The following MCC variants were observed in gnomAD, a reference collection of about 807,000 sequenced individuals.
MCC encodes the protein colorectal mutant cancer protein.
A neutral mutation model predicts 116.2 loss-of-function variants in MCC; 90 were observed. The observed-to-expected ratio is 0.77, with a 90% CI of 0.65 to 0.92. The LOEUF (loss-of-function observed/expected upper bound fraction) is 0.92, where lower values mean the gene tolerates loss of function less well. MCC is among the 40% of genes least tolerant of loss of function. The pLI is 0.00. For missense variants in MCC, 1,516 were observed against 1,312.2 expected, an observed-to-expected ratio of 1.16 and a Z score of -2.40; for synonymous variants, 578 against 510.5, an observed-to-expected ratio of 1.13 and a Z score of -1.78.
At chr5:113,457,264 A>C (rs970608898) in intron 1 of MCC, among the ~76,000 whole-genome samples, 4 of 152,188 alleles carry the variant, frequency 2.6e-5, no homozygotes, top group Non-Finnish European at 5.9e-5. Context: ...TGCAGGCCCC[A>C]GGCAATGAGG....
chr5:113,334,978 T>G (rs1345653720), intron 3 of MCC, among the ~76,000 whole-genome samples: 1 of 151,704 alleles, frequency 6.6e-6, no homozygotes, highest in Non-Finnish European at 1.5e-5. Flanking sequence ...ATTTGTCCTA[T>G]CCCAATTCCC....
At chr5:113,246,842 A>G (rs540838211) in intron 3 of MCC, among the ~76,000 whole-genome samples, 1 of 152,332 alleles carries the variant, frequency 6.6e-6, no homozygotes, top group East Asian at 1.9e-4. Flanking sequence ...TCCAAATCCA[A>G]TCACTGGAGT....
rs1014556292 is a variant in MCC at position 113,229,190 on chromosome 5, C to T, written c.628-77768G>A. 7.9e-5 allele frequency among the ~76,000 whole-genome samples: 12 copies of T among 151,974 alleles called. No homozygotes were observed. In the East Asian group the frequency reaches 1.7e-3, roughly 22 times the overall value. On this transcript the variant is annotated intron_variant, in intron 3 of 18. Transcript: ENST00000408903. ...GGCGGATGGGGAGGGGCTGAAGAATCGGCAGAGACGAAGAAGGGATAGCCA... is the reference window on the plus strand; with the variant it reads ...GGCGGATGGGGAGGGGCTGAAGAATTGGCAGAGACGAAGAAGGGATAGCCA...
Position 113,257,869 on chromosome 5 carries a change from G to A in MCC, c.627+82650C>T, listed in dbSNP as rs114437032. On this transcript the variant is annotated intron_variant, in intron 3 of 18. Transcript: ENST00000408903. ...GGGAGGGGAAAGCGTTCTATCTAGA[G>A]CACAGGTATAGAAACCAAACCTCTT... 1.1e-3 allele frequency among the ~76,000 whole-genome samples: 160 copies of A among 152,294 alleles called. 1 individual carries two copies. Among genetic ancestry groups the A allele is most frequent in the African/African-American group, 3.6e-3 (148 of 41,560 alleles).
chr5:113,082,565 C>T (rs530540061), intron 11 of MCC, among the ~76,000 whole-genome samples: 5 of 152,330 alleles, frequency 3.3e-5, no homozygotes, highest in Admixed American at 1.3e-4. Flanking sequence ...AAGTGGGGTC[C>T]GTTGTTTAAC....
intron 1 of MCC, among the ~76,000 whole-genome samples, chr5:113,390,327 ATCT>A: frequency 6.6e-6 from 1 of 152,192 alleles, no homozygotes; most frequent in African/African-American, 2.4e-5. Flanking sequence ...ATGCACATAT[ATCT>A]TATCTTCAGA....
chr5:113,381,371 G>T (rs976001535), intron 2 of MCC, among the ~76,000 whole-genome samples: 3 of 152,174 alleles, frequency 2.0e-5, no homozygotes, highest in Non-Finnish European at 4.4e-5. Context: ...CTGCATTAAG[G>T]TTGGAAGTCT....
intron 1 of MCC, among the ~76,000 whole-genome samples, chr5:113,443,308 T>C (rs1010262195): frequency 6.6e-6 from 1 of 152,190 alleles, no homozygotes; most frequent in Non-Finnish European, 1.5e-5. Flanking sequence ...TGTCTGTTAC[T>C]GGTGTATAGA....
At chr5:113,305,566 T>C (rs1766967220) in intron 3 of MCC, among the ~76,000 whole-genome samples, 1 of 152,188 alleles carries the variant, frequency 6.6e-6, no homozygotes, top group African/African-American at 2.4e-5. Context: ...CTTCCAGTCA[T>C]GTAGTCCTTT....
chr5:113,192,433 T>C (rs899173317), intron 3 of MCC, among the ~76,000 whole-genome samples: 1 of 152,220 alleles, frequency 6.6e-6, no homozygotes, highest in African/African-American at 2.4e-5. Context: ...GTAGGAAATT[T>C]GTGAGTTAAA....
chr5:113,227,659 GAACA>G (rs1561470975), intron 3 of MCC, among the ~76,000 whole-genome samples: 1 of 152,058 alleles, frequency 6.6e-6, no homozygotes, highest in Non-Finnish European at 1.5e-5. Context: ...AGCATGTCTA[GAACA>G]AACAATATGG....
intron 17 of MCC, among the ~76,000 whole-genome samples, chr5:113,030,109 A>G (rs546951388): frequency 2.8e-4 from 43 of 152,324 alleles, no homozygotes; most frequent in African/African-American, 9.9e-4. Flanking sequence ...GACTCACTGT[A>G]TGTAGAATGT....
At chr5:113,196,832 C>G (rs144308758) in intron 3 of MCC, among the ~76,000 whole-genome samples, 4 of 152,150 alleles carry the variant, frequency 2.6e-5, no homozygotes, top group African/African-American at 9.7e-5. Flanking sequence ...GAACAAGACT[C>G]TATCTCAAAA....
intron 1 of MCC, among the ~76,000 whole-genome samples, chr5:113,476,149 C>T (rs1225242813): frequency 2.0e-5 from 3 of 152,188 alleles, no homozygotes; most frequent in Non-Finnish European, 4.4e-5. Flanking sequence ...TCAACACAAT[C>T]CTTATAAAAC....
chr5:113,166,719 A>ACC, intron 3 of MCC, among the ~76,000 whole-genome samples: 1 of 148,666 alleles, frequency 6.7e-6, no homozygotes, highest in Non-Finnish European at 1.5e-5. Context: ...AAAAAAAAAA[A>ACC]AAACAACCAA....
chr5:113,226,589 G>A (rs1763751633), intron 3 of MCC, among the ~76,000 whole-genome samples: 1 of 152,188 alleles, frequency 6.6e-6, no homozygotes, highest in Non-Finnish European at 1.5e-5. Flanking sequence ...AGGGGCTAGG[G>A]TCATTAACTA....
rs539088084 is a variant in MCC at position 113,189,279 on chromosome 5, T to C, written c.628-37857A>G. Reference sequence around the variant, plus strand: ...CCTTAAACAGTGAGACTCTCAGTTATGGCTCTGGGGGAAGGACTTACTACA... The same window carrying C: ...CCTTAAACAGTGAGACTCTCAGTTACGGCTCTGGGGGAAGGACTTACTACA... On this transcript the variant is annotated intron_variant, in intron 3 of 18. Coordinates refer to ENST00000408903, the MANE Select transcript of MCC (RefSeq NM_001085377.2). 4.6e-4 allele frequency among the ~76,000 whole-genome samples: 70 copies of C among 152,338 alleles called. 2 individuals are homozygous for C. In the South Asian group the frequency reaches 0.012, roughly 27 times the overall value.
At chr5:113,233,979 C>T (rs1331649554) in intron 3 of MCC, among the ~76,000 whole-genome samples, 1 of 152,116 alleles carries the variant, frequency 6.6e-6, no homozygotes, top group Non-Finnish European at 1.5e-5. Flanking sequence ...AAGAGTAAGT[C>T]CTACCACTCT....
intron 1 of MCC, among the ~76,000 whole-genome samples, chr5:113,444,184 C>G (rs28566618): frequency 0.12 from 17,517 of 152,096 alleles, 1,746 homozygotes; most frequent in African/African-American, 0.27. Flanking sequence ...TTCTTACCTT[C>G]AGGATGGTAC....
Sources: gnomAD v4.1 joint callset for allele counts (sites outside exome capture counted in the v4.1 genomes callset) on GRCh38, gnomAD v4.1.1 for gene constraint, MANE v1.5 for transcripts, NCBI Gene and HGNC (gene_info 2026-07-23, HGNC 2026-07-21) for gene names.